RERE: variants seen among roughly 807,000 people sequenced by gnomAD.
The protein encoded by RERE is arginine-glutamic acid dipeptide repeats protein.
Under a neutral mutation model 146.1 loss-of-function variants are expected in RERE, and 40 were observed. That is an observed-to-expected ratio of 0.27 (90% confidence interval 0.21 to 0.36). The LOEUF is 0.36. Ranked by LOEUF, RERE falls within the 10% of genes least tolerant of loss-of-function variation. The pLI, the probability that RERE is intolerant of heterozygous loss-of-function variation, is 1.00. For missense variants in RERE, 1,933 were observed against 2,138.7 expected (o/e 0.90, Z 1.90); for synonymous variants, 1,003 against 866.0 (o/e 1.16, Z -2.78).
At chr1:8,650,223 A>G (rs569429611) in intron 2 of RERE, among the ~76,000 whole-genome samples, 2 of 152,368 alleles carry the variant, frequency 1.3e-5, no homozygotes, top group African/African-American at 2.4e-5. Context: ...TAATTTCTCC[A>G]TAAGATCACA....
At chr1:8,641,756 T>A (rs990258961) in intron 2 of RERE, among the ~76,000 whole-genome samples, 1 of 152,198 alleles carries the variant, frequency 6.6e-6, no homozygotes, top group Non-Finnish European at 1.5e-5. Flanking sequence ...CAGTAACATC[T>A]CTGAAAATAT....
chr1:8,622,240 A>T (rs1181058882), intron 3 of RERE, among the ~76,000 whole-genome samples: 2 of 152,200 alleles, frequency 1.3e-5, no homozygotes, highest in African/African-American at 4.8e-5. Context: ...CTGTTCAAAC[A>T]GGAAGGCACC....
rs548653254 is a variant in RERE at position 8,691,544 on chromosome 1, G to A, written c.-144-35103C>T. ...AGATCTAGGGCTCACCAGAATAGGA[G>A]TTCTTAATGAGAGGGTTCATGGATA... On this transcript the variant is annotated intron_variant, in intron 1 of 22. Transcript: ENST00000400908. Among the ~76,000 whole-genome samples the A allele has an allele frequency of 6.6e-4, 100 of 152,268 alleles. 1 individual carries two copies. The highest frequency in any genetic ancestry group is 2.4e-3 in the African/African-American group (98 of 41,536).
At chr1:8,468,230 T>C (rs1644629804) in intron 10 of RERE, among the ~76,000 whole-genome samples, 1 of 152,182 alleles carries the variant, frequency 6.6e-6, no homozygotes, top group Non-Finnish European at 1.5e-5. Context: ...TTATTACCAT[T>C]AGACTCTTTT....
intron 11 of RERE, among the ~76,000 whole-genome samples, chr1:8,448,540 C>T (rs895549934): frequency 3.3e-5 from 5 of 152,078 alleles, no homozygotes; most frequent in Admixed American, 6.6e-5. Flanking sequence ...GGGTGGATCA[C>T]GAAGTCAGGA....
intron 2 of RERE, among the ~76,000 whole-genome samples, chr1:8,649,471 T>C (rs776276783): frequency 6.6e-6 from 1 of 152,196 alleles, no homozygotes; most frequent in Non-Finnish European, 1.5e-5. Context: ...GGCTCTCACC[T>C]GTAATCCCAG....
intron 1 of RERE, among the ~76,000 whole-genome samples, chr1:8,725,614 A>G (rs1052644810): frequency 6.6e-6 from 1 of 152,188 alleles, no homozygotes; most frequent in African/African-American, 2.4e-5. Flanking sequence ...ATCTAAATTT[A>G]TAGGAGATTC....
chr1:8,568,571 G>A (rs1646179834), intron 4 of RERE, among the ~76,000 whole-genome samples: 5 of 152,120 alleles, frequency 3.3e-5, no homozygotes, highest in Admixed American at 3.3e-4. Flanking sequence ...TAAAAACCAG[G>A]TTGGCTCTCT....
intron 2 of RERE, among the ~76,000 whole-genome samples, chr1:8,645,015 A>T (rs1421800158): frequency 2.6e-5 from 4 of 152,128 alleles, no homozygotes; most frequent in African/African-American, 9.7e-5. Context: ...ACAGGCCCAT[A>T]CCATTTTACA....
intron 4 of RERE, among the ~76,000 whole-genome samples, chr1:8,610,066 G>T (rs181243042): frequency 6.6e-6 from 1 of 152,070 alleles, no homozygotes; most frequent in Non-Finnish European, 1.5e-5. Context: ...CATCATGCCC[G>T]GGCTGATTTG....
chr1:8,487,172 T>C (rs980775688), intron 10 of RERE, among the ~76,000 whole-genome samples: 1 of 152,128 alleles, frequency 6.6e-6, no homozygotes, highest in Non-Finnish European at 1.5e-5. Context: ...ATAACAATCA[T>C]ATAATAATCT....
At chr1:8,410,183 G>A (rs1185928443) in intron 12 of RERE, among the ~76,000 whole-genome samples, 1 of 152,112 alleles carries the variant, frequency 6.6e-6, no homozygotes, top group Non-Finnish European at 1.5e-5. Context: ...TGCCTGCTGG[G>A]TAAGGAGGGC....
At chr1:8,547,249 T>C (rs901639267) in intron 6 of RERE, among the ~76,000 whole-genome samples, 3 of 152,016 alleles carry the variant, frequency 2.0e-5, no homozygotes, top group African/African-American at 7.2e-5. Context: ...ACAAAATACA[T>C]ATGGAAAGCA....
chr1:8,585,857 G>T (rs1388843356), intron 4 of RERE, among the ~76,000 whole-genome samples: 1 of 152,110 alleles, frequency 6.6e-6, no homozygotes, highest in East Asian at 1.9e-4. Flanking sequence ...AATTATTCTA[G>T]CTAATAAATG....
At chr1:8,622,110 C>A (rs996333902) in intron 3 of RERE, among the ~76,000 whole-genome samples, 1 of 152,166 alleles carries the variant, frequency 6.6e-6, no homozygotes, top group Middle Eastern at 3.2e-3. Flanking sequence ...TAGACCAATA[C>A]TGACAACAGA....
intron 1 of RERE, among the ~76,000 whole-genome samples, chr1:8,739,684 C>G (rs992147880): frequency 6.6e-6 from 1 of 152,054 alleles, no homozygotes; most frequent in African/African-American, 2.4e-5. Flanking sequence ...CACAAGCACA[C>G]AATCATCTAT....
At chr1:8,520,753 TTAAAA>T (rs1441879607) in intron 7 of RERE, among the ~76,000 whole-genome samples, 1 of 78,158 alleles carries the variant, frequency 1.3e-5, no homozygotes, top group Admixed American at 1.8e-4. Context: ...AAAAAACTTT[TTAAAA>T]AAAAAAAAAA....
At chr1:8,635,947 TTTATC>T (rs779134387) in intron 2 of RERE, among the ~76,000 whole-genome samples, 1,471 of 108,386 alleles carry the variant, frequency 0.014, 12 homozygotes, top group South Asian at 0.042. Flanking sequence ...ATTATTTTAT[TTTATC>T]TTATCTTATC....
At chr1:8,790,044 C>T (rs774924995) in intron 1 of RERE, among the ~76,000 whole-genome samples, 46 of 152,288 alleles carry the variant, frequency 3.0e-4, no homozygotes, top group Non-Finnish European at 4.6e-4. Context: ...ACTTTTATTT[C>T]TTTTGTATCC....
Sources: gnomAD v4.1 joint callset for allele counts (sites outside exome capture counted in the v4.1 genomes callset) on GRCh38, gnomAD v4.1.1 for gene constraint, MANE v1.5 for transcripts, NCBI Gene and HGNC (gene_info 2026-07-23, HGNC 2026-07-21) for gene names.